KATNAL2: variants seen among roughly 807,000 people sequenced by gnomAD.
The protein encoded by KATNAL2 is katanin catalytic subunit A1 like 2, also known as katanin p60 ATPase-containing subunit A-like 2.
In KATNAL2, 52 loss-of-function variants were observed where a neutral mutation model predicts 76.3. The observed-to-expected ratio is 0.68, with a 90% CI of 0.55 to 0.86. KATNAL2 has a LOEUF of 0.86. Among genes scored for constraint, KATNAL2 ranks in the 40% least tolerant of loss-of-function variants. KATNAL2 has a pLI of 0.00. For synonymous variants in KATNAL2, 243 were observed against 244.2 expected (o/e 1.00, Z 0.05); for missense variants, 660 against 668.9 (o/e 0.99, Z 0.15).
intron 3 of KATNAL2, among the ~76,000 whole-genome samples, chr18:47,041,839 C>T (rs115154909): frequency 2.1e-3 from 318 of 152,328 alleles, no homozygotes; most frequent in African/African-American, 7.3e-3. Flanking sequence ...CACCAGCAAT[C>T]AGTGAGTTTC....
At chr18:46,919,324 C>T (rs1203164514) in intron 1 of KATNAL2, among the ~76,000 whole-genome samples, 4 of 151,936 alleles carry the variant, frequency 2.6e-5, no homozygotes, top group Admixed American at 6.6e-5. Context: ...CCGTCTCCAC[C>T]AAAAATGCAA....
intron 1 of KATNAL2, among the ~76,000 whole-genome samples, chr18:46,934,197 G>T (rs2059021525): frequency 6.6e-6 from 1 of 152,086 alleles, no homozygotes; most frequent in African/African-American, 2.4e-5. Flanking sequence ...GGTATTTCTA[G>T]TTCTAGATCT....
intron 3 of KATNAL2, among the ~76,000 whole-genome samples, chr18:47,039,265 A>G (rs1411592112): frequency 6.6e-6 from 1 of 152,152 alleles, no homozygotes; most frequent in Non-Finnish European, 1.5e-5. Flanking sequence ...CTCACCATTT[A>G]AAATGTACAA....
chr18:47,033,191 C>T, intron 3 of KATNAL2: 2 of 1,614,124 alleles, frequency 1.2e-6, no homozygotes, highest in Non-Finnish European at 1.7e-6. Flanking sequence ...CTGCCACCGC[C>T]GCTGCTGCTC....
chr18:47,094,723 C>T (rs1337904014), intron 15 of KATNAL2, among the ~76,000 whole-genome samples: 4 of 152,174 alleles, frequency 2.6e-5, no homozygotes, highest in African/African-American at 4.8e-5. Flanking sequence ...CTTGCAATCT[C>T]CTGCCTGGAG....
chr18:46,957,501 G>A (rs1184754597), intron 3 of KATNAL2, among the ~76,000 whole-genome samples: 1 of 149,184 alleles, frequency 6.7e-6, no homozygotes, highest in Non-Finnish European at 1.5e-5. Context: ...TGATCTGCCC[G>A]CCTTGGCCTC....
intron 3 of KATNAL2, among the ~76,000 whole-genome samples, chr18:46,947,578 G>A (rs1304747757): frequency 6.6e-6 from 1 of 151,976 alleles, no homozygotes; most frequent in Non-Finnish European, 1.5e-5. Context: ...AAAACAACGT[G>A]GGGGCGGGGG....
intron 14 of KATNAL2, among the ~76,000 whole-genome samples, chr18:47,075,941 T>G (rs1183525521): frequency 6.6e-6 from 1 of 152,230 alleles, no homozygotes; most frequent in Non-Finnish European, 1.5e-5. Context: ...CTTCTCAGAC[T>G]GTAATAAGCC....
At chr18:46,937,475 A>G (rs1371938810) in intron 1 of KATNAL2, among the ~76,000 whole-genome samples, 2 of 152,144 alleles carry the variant, frequency 1.3e-5, no homozygotes, top group African/African-American at 2.4e-5. Flanking sequence ...AGAAAAGAAC[A>G]CTAGGTACAA....
intron 1 of KATNAL2, among the ~76,000 whole-genome samples, chr18:46,930,614 G>A (rs1422466230): frequency 2.0e-5 from 3 of 152,008 alleles, no homozygotes; most frequent in African/African-American, 4.8e-5. Flanking sequence ...TCAGGAGTTC[G>A]AGACCAGCCT....
intron 1 of KATNAL2, among the ~76,000 whole-genome samples, chr18:46,929,076 G>A (rs4890347): frequency 0.45 from 67,849 of 151,860 alleles, 15,225 homozygotes; most frequent in Middle Eastern, 0.52. Context: ...GATTACAGGC[G>A]TGAGCCACTG....
intron 4 of KATNAL2, among the ~76,000 whole-genome samples, chr18:47,047,949 C>T (rs559482650): frequency 6.6e-6 from 1 of 152,178 alleles, no homozygotes; most frequent in Non-Finnish European, 1.5e-5. Flanking sequence ...TCAAGTGATC[C>T]TCCTGCCTCA....
At chr18:46,920,521 C>T (rs189535343) in intron 1 of KATNAL2, among the ~76,000 whole-genome samples, 12 of 152,270 alleles carry the variant, frequency 7.9e-5, no homozygotes, top group Non-Finnish European at 1.6e-4. Context: ...GAGCCAATGC[C>T]TTTCTTGTAA....
chr18:47,094,733 G>C (rs2063153748), intron 15 of KATNAL2, among the ~76,000 whole-genome samples: 1 of 152,192 alleles, frequency 6.6e-6, no homozygotes, highest in Admixed American at 6.5e-5. Flanking sequence ...CCTGCCTGGA[G>C]GGCAAGAGTT....
At chr18:46,949,918 G>A (rs1057201878) in intron 3 of KATNAL2, among the ~76,000 whole-genome samples, 6 of 152,092 alleles carry the variant, frequency 3.9e-5, no homozygotes, top group Admixed American at 1.3e-4. Context: ...TCTTAAAATA[G>A]TGCCACTCTT....
chr18:46,946,510 A>T lies in KATNAL2; in HGVS notation c.-56A>T. The stretch of plus-strand genomic sequence containing the variant: ...GGTATAGAAGCATTGGGTCGCAAAG[A>T]CCTGAACAACGGCTGAAATCAAGGA... On this transcript the variant is annotated 5_prime_UTR_variant, in exon 2 of 18. Transcript: ENST00000683218. The T allele has an allele frequency of 1.0e-6, 1 of 985,480 alleles. No homozygotes were observed. The highest frequency in any genetic ancestry group is 1.7e-5 in the African/African-American group (1 of 57,374). 61.0% of individuals were successfully genotyped at this position (985,480 alleles called of 1,614,324 possible).
intron 3 of KATNAL2, among the ~76,000 whole-genome samples, chr18:47,031,487 C>T (rs535517756): frequency 2.0e-5 from 3 of 152,134 alleles, no homozygotes; most frequent in East Asian, 3.9e-4. Flanking sequence ...TCATTATGCC[C>T]TGAGAATCGG....
At chr18:47,066,869 AT>A (rs2061821268) in intron 10 of KATNAL2, 151 bp from the exon 11 acceptor site, 1 of 80,078 alleles carries the variant, frequency 1.2e-5, no homozygotes, top group Non-Finnish European at 2.6e-5. Context: ...ATATATATAT[AT>A]ATATATATAT....
At position 47,079,148 on chromosome 18, in the gene KATNAL2, A is replaced by G. The variant is rs536130888; in HGVS notation, c.1211+1687A>G. On this transcript the variant is annotated intron_variant, in intron 15 of 17. Transcript: ENST00000683218. ...CCACTTCTTTGCTGCAATATCTTAA[A>G]TCATATTCAACTATTATGTTATTTC... Among the ~76,000 whole-genome samples, 6 of 152,314 alleles carry G rather than the reference A, an allele frequency of 3.9e-5. No homozygotes were observed. In the South Asian group the frequency reaches 1.2e-3, roughly 32 times the overall value.
Sources: allele counts gnomAD v4.1 joint callset (sites outside exome capture counted in the v4.1 genomes callset), GRCh38; gene constraint gnomAD v4.1.1; transcripts MANE v1.5; gene names NCBI Gene and HGNC (gene_info 2026-07-23, HGNC 2026-07-21).